SYNE3: variants seen among roughly 807,000 people sequenced by gnomAD.
The protein encoded by SYNE3 is nesprin-3.
In SYNE3, 100 loss-of-function variants were observed where a neutral mutation model predicts 111.2. The observed-to-expected ratio is 0.90, with a 90% CI of 0.77 to 1.06. The LOEUF is 1.06. Among genes scored for constraint, SYNE3 ranks in the 50% least tolerant of loss-of-function variants. The pLI, the probability that SYNE3 is intolerant of heterozygous loss-of-function variation, is 0.00. For synonymous variants in SYNE3, 547 were observed against 533.9 expected, an observed-to-expected ratio of 1.02 and a Z score of -0.34; for missense variants, 1,160 against 1,240.3, an observed-to-expected ratio of 0.94 and a Z score of 0.97.
rs1403006737 is a variant in SYNE3, at chr14:95,412,358, G to C, written c.*5468C>G. 5 of 152,274 alleles carry C rather than the reference G, an allele frequency of 3.3e-5. No homozygotes were observed. Among genetic ancestry groups the C allele is most frequent in the African/African-American group, 1.2e-4 (5 of 41,460 alleles). The allele number at this position is 152,274 out of a possible 1,614,324, so 9.4% of individuals were successfully genotyped here. A position where few individuals can be genotyped will look rare whatever the true frequency, so the allele number is the denominator to read the frequency against. Reference sequence around the variant, plus strand: ...CAAGGGCAATGACTGCAATCCCGTTGGGCATCTTCAATGGCACAAACCCTT... The same window carrying C: ...CAAGGGCAATGACTGCAATCCCGTTCGGCATCTTCAATGGCACAAACCCTT... On this transcript the variant is annotated 3_prime_UTR_variant, in exon 18 of 18. Coordinates refer to ENST00000682763, the MANE Select transcript of SYNE3 (RefSeq NM_152592.6).
chr14:95,421,755 C>A (rs1298933784), intron 17 of SYNE3, among the ~76,000 whole-genome samples: 1 of 152,242 alleles, frequency 6.6e-6, no homozygotes, highest in East Asian at 1.9e-4. Flanking sequence ...CCAGTCCCAT[C>A]AGGGAAGAAA....
At chr14:95,494,886 G>A (rs1327248482) in intron 1 of SYNE3, among the ~76,000 whole-genome samples, 1 of 152,178 alleles carries the variant, frequency 6.6e-6, no homozygotes, top group Non-Finnish European at 1.5e-5. Flanking sequence ...GCTGAGGTGT[G>A]TGGATCGCCT....
At chr14:95,482,917 A>G (rs1250676277) in intron 1 of SYNE3, among the ~76,000 whole-genome samples, 1 of 152,182 alleles carries the variant, frequency 6.6e-6, no homozygotes, top group Non-Finnish European at 1.5e-5. Flanking sequence ...CAGAGGCAAG[A>G]CTTGAACCAA....
At chr14:95,493,973 T>C (rs1267563919) in intron 1 of SYNE3, among the ~76,000 whole-genome samples, 1 of 152,160 alleles carries the variant, frequency 6.6e-6, no homozygotes, top group Non-Finnish European at 1.5e-5. Context: ...AGCAGTTTCA[T>C]GGCCTGCCCA....
intron 1 of SYNE3, among the ~76,000 whole-genome samples, chr14:95,486,753 C>T (rs1312083380): frequency 1.3e-5 from 2 of 152,170 alleles, no homozygotes; most frequent in African/African-American, 4.8e-5. Context: ...CATGTCTTTC[C>T]ATTGAAAAGG....
chr14:95,498,499 G>A (rs999320635), intron 1 of SYNE3, among the ~76,000 whole-genome samples: 11 of 152,344 alleles, frequency 7.2e-5, no homozygotes, highest in African/African-American at 1.9e-4. Context: ...GATTACAGGC[G>A]TGAGCCACCG....
At chr14:95,505,162 C>T (rs1956120) in intron 1 of SYNE3, among the ~76,000 whole-genome samples, 104,504 of 151,882 alleles carry the variant, frequency 0.69, 37,198 homozygotes, top group Non-Finnish European at 0.79. Flanking sequence ...CTCCTGTGGG[C>T]ACCGGGGTCC....
intron 17 of SYNE3, among the ~76,000 whole-genome samples, chr14:95,427,762 T>A (rs1201374): frequency 7.0e-6 from 1 of 143,414 alleles, no homozygotes; most frequent in Non-Finnish European, 1.5e-5. Context: ...TACCGGTCTC[T>A]GTGTCTTGGT....
At chr14:95,460,900 T>C (rs1887767117) in intron 4 of SYNE3, among the ~76,000 whole-genome samples, 1 of 152,174 alleles carries the variant, frequency 6.6e-6, no homozygotes, top group African/African-American at 2.4e-5. Context: ...CGGCCGTGGC[T>C]GCTAGTGTGT....
chr14:95,410,247 G>C lies in SYNE3; in HGVS notation c.*7579C>G, dbSNP rs556928136. 3 of 152,238 alleles carry C rather than the reference G, an allele frequency of 2.0e-5. No individual in the cohort carries two copies. Among genetic ancestry groups the C allele is most frequent in the Non-Finnish European group, 4.4e-5 (3 of 68,064 alleles). 9.4% of individuals were successfully genotyped at this position (152,238 alleles called of 1,614,324 possible). A position where few individuals can be genotyped will look rare whatever the true frequency, so the allele number is the denominator to read the frequency against. On this transcript the variant is annotated 3_prime_UTR_variant, in exon 18 of 18. Transcript: ENST00000682763. ...CTCACACTGCAAGGATGATGCCTTC[G>C]AGTTCCACACAAGGAGCATACAGCC...
rs2139317906 is a variant in SYNE3 at position 95,410,925 on chromosome 14, T to A, written c.*6901A>T. On this transcript the variant is annotated 3_prime_UTR_variant, in exon 18 of 18. Transcript: ENST00000682763. ...AACTGGACCAATGTCACACAGCCCATCAGCAGCAGAGTTCCAACTCAACCC... is the reference window on the plus strand; with the variant it reads ...AACTGGACCAATGTCACACAGCCCAACAGCAGCAGAGTTCCAACTCAACCC... The A allele has an allele frequency of 6.6e-6, 1 of 152,358 alleles. No individual in the cohort carries two copies. The highest frequency in any genetic ancestry group is 2.1e-4 in the South Asian group (1 of 4,816). The allele number at this position is 152,358 out of a possible 1,614,324, so 9.4% of individuals were successfully genotyped here.
At chr14:95,489,043 G>A (rs2139563130) in intron 1 of SYNE3, among the ~76,000 whole-genome samples, 1 of 152,326 alleles carries the variant, frequency 6.6e-6, no homozygotes, top group Admixed American at 6.5e-5. Context: ...GCTGGCTGAT[G>A]GCTAAGGGGG....
At chr14:95,442,010 T>A (rs1886440389) in intron 11 of SYNE3, among the ~76,000 whole-genome samples, 1 of 152,242 alleles carries the variant, frequency 6.6e-6, no homozygotes, top group Non-Finnish European at 1.5e-5. Context: ...AAAAACCTGC[T>A]TGGCATGACC....
At chr14:95,488,850 C>T (rs1000665922) in intron 1 of SYNE3, among the ~76,000 whole-genome samples, 6 of 152,212 alleles carry the variant, frequency 3.9e-5, no homozygotes, top group Admixed American at 2.6e-4. Flanking sequence ...CAACACTGTA[C>T]GGTCAGTCTT....
At chr14:95,431,949 C>T (rs1230237136) in intron 17 of SYNE3, 130 bp downstream of exon 17, 2 of 1,051,576 alleles carry the variant, frequency 1.9e-6, no homozygotes, top group African/African-American at 1.6e-5. Context: ...GAGTTGATCC[C>T]CCATAAATGT....
intron 3 of SYNE3, 86 bp downstream of exon 3, chr14:95,467,709 G>A (rs1227861182): frequency 1.3e-6 from 2 of 1,498,728 alleles, no homozygotes; most frequent in Non-Finnish European, 1.8e-6. Flanking sequence ...CTGGAGAAAT[G>A]TCTCTTGGGC....
intron 3 of SYNE3, among the ~76,000 whole-genome samples, chr14:95,466,855 C>A (rs1183468190): frequency 6.6e-6 from 1 of 152,206 alleles, no homozygotes; most frequent in Non-Finnish European, 1.5e-5. Flanking sequence ...TTGTCTCTGA[C>A]CCTTCCCCAT....
At chr14:95,480,536 T>C (rs1698281154) in intron 1 of SYNE3, among the ~76,000 whole-genome samples, 2 of 152,144 alleles carry the variant, frequency 1.3e-5, no homozygotes, top group Admixed American at 1.3e-4. Context: ...GGATAAGGTC[T>C]GTGGGCATGG....
At chr14:95,496,820 T>C (rs1890111344) in intron 1 of SYNE3, among the ~76,000 whole-genome samples, 1 of 152,236 alleles carries the variant, frequency 6.6e-6, no homozygotes, top group African/African-American at 2.4e-5. Flanking sequence ...TGCAAAGTTA[T>C]CATTTATGTA....
Sources: allele counts gnomAD v4.1 joint callset (sites outside exome capture counted in the v4.1 genomes callset), GRCh38; gene constraint gnomAD v4.1.1; transcripts MANE v1.5; gene names NCBI Gene and HGNC (gene_info 2026-07-23, HGNC 2026-07-21).